Variants in PCDHGB4 observed in about 807,000 individuals in gnomAD.
The protein encoded by PCDHGB4 is protocadherin gamma-B4.
A neutral mutation model predicts 60.5 loss-of-function variants in PCDHGB4; 38 were observed. That is an observed-to-expected ratio of 0.63 (90% CI 0.48 to 0.82). The LOEUF (loss-of-function observed/expected upper bound fraction) is 0.82. Ranked by LOEUF, PCDHGB4 falls within the 40% of genes least tolerant of loss-of-function variation. The pLI is 0.00. For missense variants in PCDHGB4, 1,109 were observed against 1,209.6 expected (o/e 0.92, Z 1.23); for synonymous variants, 456 against 509.7 (o/e 0.89, Z 1.42).
intron 1 of PCDHGB4, chr5:141,415,974 CAA>C (rs1192315813): frequency 2.7e-6 from 1 of 375,644 alleles, no homozygotes; most frequent in Non-Finnish European, 4.4e-6. Context: ...GCCCCTTAAG[CAA>C]CCCTCTTGTT....
At position 141,486,785 on chromosome 5, in the gene PCDHGB4, C is replaced by T. The variant is rs763174232; in HGVS notation, c.2398-8022C>T. 1.2e-5 allele frequency: 20 copies of T among 1,614,102 alleles called. No homozygotes were observed. The highest frequency in any genetic ancestry group is 5.3e-5 in the African/African-American group (4 of 74,936). On this transcript the variant is annotated intron_variant, in intron 1 of 3. Transcript: ENST00000519479. This position sits in a 1 kb window ranked among gnomAD's most constrained non-coding sequence, Gnocchi z 5.0. ...GACACTGCAGTTTGAGGTGCAGGCC[C>T]GGGATCGGGGCAACCCACCCCTTAG...
In PCDHGB4 at chr5:141,431,937, A is replaced by T; in HGVS notation, c.2397+41656A>T. On this transcript the variant is annotated intron_variant, in intron 1 of 3. Coordinates refer to ENST00000519479, the MANE Select transcript of PCDHGB4 (RefSeq NM_003736.4). The surrounding 1 kb of genome is among the most constrained non-coding windows in gnomAD (Gnocchi z 4.8). ...TTCATCCAAGGAAATCTGCCCTTTAAATTAGAAAAATCTTACGGAAATTAC... is the reference window on the plus strand; with the variant it reads ...TTCATCCAAGGAAATCTGCCCTTTATATTAGAAAAATCTTACGGAAATTAC... The T allele has an allele frequency of 6.2e-7, 1 of 1,614,144 alleles. No individual in the cohort carries two copies. The highest frequency in any genetic ancestry group is 8.5e-7 in the Non-Finnish European group (1 of 1,180,014).
chr5:141,475,740 A>G (rs942793010), intron 1 of PCDHGB4, among the ~76,000 whole-genome samples: 4 of 152,280 alleles, frequency 2.6e-5, no homozygotes, highest in Non-Finnish European at 5.9e-5. Flanking sequence ...TCCCTAAGGT[A>G]GGTTTCCTAT....
At chr5:141,478,500 T>C (rs754881921) in intron 1 of PCDHGB4, 16 of 1,612,740 alleles carry the variant, frequency 9.9e-6, no homozygotes, top group Non-Finnish European at 1.4e-5. Context: ...TGTGATCCGG[T>C]GTTCTATAGG....
intron 1 of PCDHGB4, among the ~76,000 whole-genome samples, chr5:141,429,890 C>A (rs2097251428): frequency 6.6e-6 from 1 of 152,112 alleles, no homozygotes; most frequent in African/African-American, 2.4e-5. Context: ...GTTTCCTGAA[C>A]AATAAATATT....
chr5:141,404,656 C>A, intron 1 of PCDHGB4: 1 of 1,614,176 alleles, frequency 6.2e-7, no homozygotes, highest in Non-Finnish European at 8.5e-7. Context: ...CTGCCCTCCC[C>A]ACTGATGGTT....
Position 141,476,468 on chromosome 5 carries a change from C to T in PCDHGB4, c.2398-18339C>T. 6.2e-7 allele frequency: 1 copy of T among 1,614,132 alleles called. No homozygotes were observed. Among genetic ancestry groups the T allele is most frequent in the Non-Finnish European group, 8.5e-7 (1 of 1,180,022 alleles). On this transcript the variant is annotated intron_variant, in intron 1 of 3. Coordinates refer to ENST00000519479, the MANE Select transcript of PCDHGB4 (RefSeq NM_003736.4). The surrounding 1 kb of genome is among the most constrained non-coding windows in gnomAD (Gnocchi z 7.6). ...GTTGGTAGTGGAGAACCCGCTGGAG[C>T]TGTTCAGCGTGGAAGTGGTGATCCA...
At chr5:141,404,773 C>T (rs753809742) in intron 1 of PCDHGB4, 1 of 1,613,856 alleles carries the variant, frequency 6.2e-7, no homozygotes, top group South Asian at 1.1e-5. Flanking sequence ...TCTCCTACCG[C>T]CTATTCAAGG....
At position 141,486,691 on chromosome 5, in the gene PCDHGB4, T is replaced by C. The variant is rs778748447; in HGVS notation, c.2398-8116T>C. 8 of 1,614,024 alleles carry C rather than the reference T, an allele frequency of 5.0e-6. No individual in the cohort carries two copies. The highest frequency in any genetic ancestry group is 1.3e-5 in the African/African-American group (1 of 74,922). The stretch of plus-strand genomic sequence containing the variant: ...GGAATCGAGATGTATCAGCTTCCTC[T>C]TTCATCTCTCTGAACCCCCAGACAG... On this transcript the variant is annotated intron_variant, in intron 1 of 3. Coordinates refer to ENST00000519479, the MANE Select transcript of PCDHGB4 (RefSeq NM_003736.4). The surrounding 1 kb of genome is among the most constrained non-coding windows in gnomAD (Gnocchi z 5.0).
At chr5:141,469,374 A>G (rs1270202528) in intron 1 of PCDHGB4, among the ~76,000 whole-genome samples, 1 of 152,076 alleles carries the variant, frequency 6.6e-6, no homozygotes, top group Non-Finnish European at 1.5e-5. Flanking sequence ...AAAGAGATCG[A>G]GACCATCCTG....
At chr5:141,509,275 G>A (rs185255724) in intron 3 of PCDHGB4, among the ~76,000 whole-genome samples, 1 of 152,096 alleles carries the variant, frequency 6.6e-6, no homozygotes, top group East Asian at 1.9e-4. Flanking sequence ...CTCGCTACCC[G>A]CTCCCAGGGT....
rs953182246 is a variant in PCDHGB4, at chr5:141,511,757, C to T, written c.*584C>T. ...CTCAAGTTTTGGAGGACATGATCAC[C>T]ATCCCCATGGTACTGATGCTTGCTG... is the stretch of plus-strand genomic sequence containing the variant. On this transcript the variant is annotated 3_prime_UTR_variant, in exon 4 of 4. Coordinates refer to ENST00000519479, the MANE Select transcript of PCDHGB4 (RefSeq NM_003736.4). The T allele has an allele frequency of 6.9e-5, 12 of 174,122 alleles. No individual in the cohort carries two copies. The highest frequency in any genetic ancestry group is 2.8e-4 in the African/African-American group (12 of 42,412). The allele number at this position is 174,122 out of a possible 1,614,324, so 10.8% of individuals were successfully genotyped here.
At chr5:141,400,250 C>T (rs2093990136) in intron 1 of PCDHGB4, 1 of 1,614,066 alleles carries the variant, frequency 6.2e-7, no homozygotes, top group Non-Finnish European at 8.5e-7. Flanking sequence ...CTGGCCGTTG[C>T]CTTGCGCCTG....
Position 141,415,580 on chromosome 5 carries a change from A to C in PCDHGB4, c.2397+25299A>C, listed in dbSNP as rs773634634. The C allele has an allele frequency of 4.3e-6, 7 of 1,613,976 alleles. No individual in the cohort carries two copies. The Admixed American group carries it at 1.2e-4, about 27-fold the overall frequency. Reference sequence around the variant, plus strand: ...CCTTTGTCTTTGTTAGATGATTCGAAGTTTCCTATAGAGGATACCCCATTG... The same window carrying C: ...CCTTTGTCTTTGTTAGATGATTCGACGTTTCCTATAGAGGATACCCCATTG... On this transcript the variant is annotated intron_variant, in intron 1 of 3. Transcript: ENST00000519479.
chr5:141,401,250 GA>G (rs1387561920), intron 1 of PCDHGB4, among the ~76,000 whole-genome samples: 4 of 152,148 alleles, frequency 2.6e-5, no homozygotes, highest in African/African-American at 9.7e-5. Flanking sequence ...GCTAAGACAG[GA>G]GAATTGCTTG....
intron 1 of PCDHGB4, chr5:141,414,139 G>T: frequency 6.3e-7 from 1 of 1,596,506 alleles, no homozygotes; most frequent in Non-Finnish European, 8.5e-7. Flanking sequence ...CTATGAAATA[G>T]AAATACAAGC....
Position 141,487,552 on chromosome 5 carries a change from A to C in PCDHGB4, c.2398-7255A>C. On this transcript the variant is annotated intron_variant, in intron 1 of 3. Coordinates refer to ENST00000519479, the MANE Select transcript of PCDHGB4 (RefSeq NM_003736.4). The surrounding 1 kb of genome is among the most constrained non-coding windows in gnomAD (Gnocchi z 5.0). ...TCATGATGGTGAAGTCACCCAGTGC[A>C]CCTATGGCAGGGGAGCCTGTTCGCC... is the stretch of plus-strand genomic sequence containing the variant. 2 of 1,614,116 alleles carry C rather than the reference A, an allele frequency of 1.2e-6. No homozygotes were observed. The highest frequency in any genetic ancestry group is 1.7e-6 in the Non-Finnish European group (2 of 1,180,024).
intron 2 of PCDHGB4, among the ~76,000 whole-genome samples, chr5:141,500,231 C>T (rs992215482): frequency 1.4e-5 from 2 of 138,098 alleles, no homozygotes; most frequent in East Asian, 4.1e-4. Context: ...TTTATTGATA[C>T]GTAGCCTTGC....
intron 1 of PCDHGB4, among the ~76,000 whole-genome samples, chr5:141,448,086 TAA>T (rs558292628): frequency 6.8e-6 from 1 of 146,354 alleles, no homozygotes; most frequent in Middle Eastern, 3.2e-3. Flanking sequence ...AATGCCATCT[TAA>T]AAAAAAAAAA....
Sources: allele counts gnomAD v4.1 joint callset (sites outside exome capture counted in the v4.1 genomes callset), GRCh38; gene constraint gnomAD v4.1.1; non-coding constraint Gnocchi (gnomAD v3.1); transcripts MANE v1.5; gene names NCBI Gene and HGNC (gene_info 2026-07-23, HGNC 2026-07-21).